Variants in PELP1 observed in about 807,000 individuals in gnomAD.
PELP1 encodes proline-, glutamic acid- and leucine-rich protein 1.
A neutral mutation model predicts 95.5 loss-of-function variants in PELP1; 32 were observed. The observed-to-expected ratio is 0.34, with a 90% CI of 0.25 to 0.45. The LOEUF is 0.45. Among genes scored for constraint, PELP1 ranks in the 20% least tolerant of loss-of-function variants. PELP1 has a pLI of 1.00. For synonymous variants in PELP1, 668 were observed against 600.1 expected (o/e 1.11, Z -1.65); for missense variants, 1,358 against 1,444.8 (o/e 0.94, Z 0.97).
chr17:4,672,029 G>A lies in PELP1; in HGVS notation c.2962C>T (p.Pro988Ser), dbSNP rs770865934. The A allele has an allele frequency of 2.6e-6, 4 of 1,567,692 alleles. No individual in the cohort carries two copies. The highest frequency in any genetic ancestry group is 1.4e-5 in the African/African-American group (1 of 73,996). The change falls in exon 16 of 17, where the codon CCC becomes TCC. Residue 988 changes from proline to serine, a missense_variant. Physicochemically the swap from Pro to Ser is moderately conservative, Grantham distance 74. Transcript: ENST00000572293. ...PPPTLPPALP[P>S]PESPPKVQPE... The stretch of plus-strand genomic sequence containing the variant: ...TGCACCTTTGGGGGAGACTCAGGGG[G>A]AGGCAGAGCTGGAGGCAGGGTTGGG...
At chr17:4,674,144 A>G (rs943185242) in intron 13 of PELP1, among the ~76,000 whole-genome samples, 2 of 152,208 alleles carry the variant, frequency 1.3e-5, no homozygotes, top group Non-Finnish European at 2.9e-5. Context: ...TGCCTGATAG[A>G]AAGTGGATAC....
chr17:4,673,487 C>A lies in PELP1; in HGVS notation c.1639-31G>T. ...AAGGACAGAGCACACCTGGAAACAT[C>A]CCCAAGACCACCCAACCCTTCTCCA... On this transcript the variant is annotated intron_variant, in intron 14 of 16. Coordinates refer to ENST00000572293, the MANE Select transcript of PELP1 (RefSeq NM_014389.3). The surrounding 1 kb of genome is among the most constrained non-coding windows in gnomAD (Gnocchi z 5.7). The A allele has an allele frequency of 6.4e-7, 1 of 1,574,340 alleles. No individual in the cohort carries two copies. Among genetic ancestry groups the A allele is most frequent in the Non-Finnish European group, 8.7e-7 (1 of 1,153,500 alleles).
Position 4,675,896 on chromosome 17 carries a change from C to A in PELP1, c.981-12G>T. 1 of 1,587,398 alleles carries A rather than the reference C, an allele frequency of 6.3e-7. No individual in the cohort carries two copies. Among genetic ancestry groups the A allele is most frequent in the Non-Finnish European group, 8.6e-7 (1 of 1,166,342 alleles). On this transcript the variant is annotated splice_polypyrimidine_tract_variant and intron_variant, in intron 8 of 16. Transcript: ENST00000572293. This position sits in a 1 kb window ranked among gnomAD's most constrained non-coding sequence, Gnocchi z 4.3. ...CTCCAAACTCAGAGCTAAAGAGAAT[C>A]AGAGCAGGGAGACCTTCAGAGCAGG...
At chr17:4,702,586 TA>T (rs1913585549) in intron 1 of PELP1, among the ~76,000 whole-genome samples, 1 of 152,164 alleles carries the variant, frequency 6.6e-6, no homozygotes, top group Non-Finnish European at 1.5e-5. Flanking sequence ...ATAGCAGAGA[TA>T]TAGTTTTGTC....
At chr17:4,678,439 C>T (rs1912574027) in intron 5 of PELP1, among the ~76,000 whole-genome samples, 1 of 152,060 alleles carries the variant, frequency 6.6e-6, no homozygotes, top group Non-Finnish European at 1.5e-5. Context: ...CTTAACACTG[C>T]ACTCCTGGGT....
chr17:4,681,238 A>G (rs1047741248), intron 5 of PELP1, among the ~76,000 whole-genome samples: 1 of 152,246 alleles, frequency 6.6e-6, no homozygotes, highest in Non-Finnish European at 1.5e-5. Flanking sequence ...TAATCCCAAC[A>G]CTTTGGGAGG....
intron 3 of PELP1, among the ~76,000 whole-genome samples, chr17:4,683,717 G>A (rs1424742331): frequency 6.7e-6 from 1 of 149,122 alleles, no homozygotes; most frequent in Non-Finnish European, 1.5e-5. Context: ...TTTTAGTAGA[G>A]ATGGGGTTTT....
chr17:4,685,482 ACT>A (rs1215630301), intron 3 of PELP1, among the ~76,000 whole-genome samples: 2 of 151,440 alleles, frequency 1.3e-5, no homozygotes, highest in African/African-American at 4.9e-5. Context: ...AACACTGAAG[ACT>A]CTTCCCCCTA....
intron 3 of PELP1, among the ~76,000 whole-genome samples, chr17:4,687,136 A>G (rs920246836): frequency 6.6e-6 from 1 of 152,014 alleles, no homozygotes; most frequent in Non-Finnish European, 1.5e-5. Context: ...AAACACCCAC[A>G]CCACCCCAGC....
chr17:4,689,630 A>T (rs1423153227), intron 3 of PELP1, among the ~76,000 whole-genome samples: 1 of 152,246 alleles, frequency 6.6e-6, no homozygotes, highest in African/African-American at 2.4e-5. Context: ...AGAAGCCATT[A>T]TATGAGAAAG....
At chr17:4,683,943 A>C (rs7211579) in intron 3 of PELP1, among the ~76,000 whole-genome samples, 146,848 of 150,132 alleles carry the variant, frequency 0.98, 71,894 homozygotes, top group Middle Eastern at 1. Context: ...TTCCGATGAT[A>C]TCATACTAAT....
At chr17:4,681,907 T>C (rs975611266) in intron 5 of PELP1, among the ~76,000 whole-genome samples, 27 of 152,110 alleles carry the variant, frequency 1.8e-4, no homozygotes, top group Non-Finnish European at 3.7e-4. Context: ...CTCACACTTA[T>C]AATCCCAGCA....
intron 1 of PELP1, among the ~76,000 whole-genome samples, chr17:4,692,702 A>G (rs1913155670): frequency 6.6e-6 from 1 of 151,892 alleles, no homozygotes; most frequent in Admixed American, 6.6e-5. Context: ...AGTAGATACA[A>G]AAAGCATCTC....
At chr17:4,689,767 C>T (rs976385707) in intron 3 of PELP1, among the ~76,000 whole-genome samples, 30 of 152,310 alleles carry the variant, frequency 2.0e-4, no homozygotes, top group Admixed American at 3.9e-4. Flanking sequence ...GCGGCTCATG[C>T]CTGTAATCCC....
At chr17:4,683,349 T>C (rs1912768634) in intron 3 of PELP1, among the ~76,000 whole-genome samples, 1 of 150,990 alleles carries the variant, frequency 6.6e-6, no homozygotes, top group Non-Finnish European at 1.5e-5. Context: ...GCCTCCCGAG[T>C]AGCTGAGACT....
chr17:4,684,150 T>C (rs1221262753), intron 3 of PELP1, among the ~76,000 whole-genome samples: 1 of 152,060 alleles, frequency 6.6e-6, no homozygotes, highest in Non-Finnish European at 1.5e-5. Flanking sequence ...ATCCAGCATA[T>C]ATCTCCTGCT....
chr17:4,691,345 G>GC, intron 2 of PELP1, 33 bp downstream of exon 2: 2 of 1,514,412 alleles, frequency 1.3e-6, no homozygotes, highest in Non-Finnish European at 1.8e-6. Flanking sequence ...AAGGGAACAC[G>GC]CCCCTGGAGA....
At position 4,682,975 on chromosome 17, in the gene PELP1, G is replaced by A. The variant is rs141664195; in HGVS notation, c.421-23C>T. On this transcript the variant is annotated intron_variant, in intron 3 of 16. Transcript: ENST00000572293. ...GGTCTAAAGAAAAAAATAATGTCTCGTGCTTCCAGCCTCACCTTGATTGTC... is the reference window on the plus strand; with the variant it reads ...GGTCTAAAGAAAAAAATAATGTCTCATGCTTCCAGCCTCACCTTGATTGTC... 2,658 of 1,456,152 alleles carry A rather than the reference G, an allele frequency of 1.8e-3. 44 individuals carry two copies. In the African/African-American group the frequency reaches 0.03, roughly 16 times the overall value. The allele number at this position is 1,456,152 out of a possible 1,614,324, so 90.2% of individuals were successfully genotyped here.
chr17:4,694,797 C>T (rs1326203568), intron 1 of PELP1, among the ~76,000 whole-genome samples: 3 of 146,942 alleles, frequency 2.0e-5, no homozygotes, highest in African/African-American at 7.6e-5. Context: ...ATGGTGAAAC[C>T]CCGGCTCTAC....
Sources: allele counts gnomAD v4.1 joint callset (sites outside exome capture counted in the v4.1 genomes callset), GRCh38; gene constraint gnomAD v4.1.1; non-coding constraint Gnocchi (gnomAD v3.1); transcripts MANE v1.5; gene names NCBI Gene and HGNC (gene_info 2026-07-23, HGNC 2026-07-21).